The following SH3GL2 variants were observed in gnomAD, a reference collection of about 807,000 sequenced individuals.
SH3GL2 encodes endophilin-A1.
In SH3GL2, 24 loss-of-function variants were observed where a neutral mutation model predicts 46.0. The observed-to-expected ratio is 0.52, with a 90% CI of 0.38 to 0.73. The LOEUF (loss-of-function observed/expected upper bound fraction) is 0.73. SH3GL2 is among the 30% of genes least tolerant of loss of function. The probability of loss-of-function intolerance (pLI) is 0.00; values close to 1 mark genes in which losing one functional copy is unlikely to be tolerated. For missense variants in SH3GL2, 413 were observed against 424.2 expected, an observed-to-expected ratio of 0.97 and a Z score of 0.23; for synonymous variants, 196 against 147.1, an observed-to-expected ratio of 1.33 and a Z score of -2.40.
intron 1 of SH3GL2, among the ~76,000 whole-genome samples, chr9:17,633,103 A>G (rs148385576): frequency 1.3e-3 from 198 of 152,294 alleles, no homozygotes; most frequent in African/African-American, 4.6e-3. Flanking sequence ...TCACTTTGCC[A>G]GCTAAGGCTT....
chr9:17,610,607 CAG>C (rs1456690319), intron 1 of SH3GL2, among the ~76,000 whole-genome samples: 1 of 152,148 alleles, frequency 6.6e-6, no homozygotes, highest in Non-Finnish European at 1.5e-5. Context: ...TTAAAAAAAT[CAG>C]GGTGTAAGGA....
chr9:17,767,209 A>G (rs909474544), intron 3 of SH3GL2, among the ~76,000 whole-genome samples: 13 of 152,138 alleles, frequency 8.5e-5, no homozygotes, highest in African/African-American at 2.9e-4. Context: ...TATGGTCTAG[A>G]TTTTTCCAGC....
At chr9:17,703,167 C>A (rs968000008) in intron 1 of SH3GL2, among the ~76,000 whole-genome samples, 9 of 151,840 alleles carry the variant, frequency 5.9e-5, no homozygotes, top group Non-Finnish European at 5.9e-5. Flanking sequence ...GAATTTCCCA[C>A]CCTTTATCAA....
intron 1 of SH3GL2, among the ~76,000 whole-genome samples, chr9:17,727,809 C>CT (rs1173600297): frequency 2.0e-5 from 3 of 152,146 alleles, no homozygotes; most frequent in Admixed American, 2.0e-4. Flanking sequence ...ATGCCCTTTA[C>CT]TGACCTTCCC....
chr9:17,789,595 A>G, intron 6 of SH3GL2, 45 bp downstream of exon 6: 1 of 1,608,606 alleles, frequency 6.2e-7, no homozygotes, highest in Non-Finnish European at 8.5e-7. Context: ...TCATCGAGGC[A>G]CAACATTAAT....
At chr9:17,764,494 T>C (rs1214150926) in intron 3 of SH3GL2, among the ~76,000 whole-genome samples, 1 of 152,158 alleles carries the variant, frequency 6.6e-6, no homozygotes, top group African/African-American at 2.4e-5. Flanking sequence ...CAGTGAACCC[T>C]AGAGCTGGGC....
At chr9:17,648,694 T>A (rs1819885479) in intron 1 of SH3GL2, among the ~76,000 whole-genome samples, 1 of 152,242 alleles carries the variant, frequency 6.6e-6, no homozygotes, top group Admixed American at 6.5e-5. Context: ...TTCTTTCTAA[T>A]AGCTGCTTAG....
At chr9:17,774,136 G>T (rs1264265519) in intron 3 of SH3GL2, among the ~76,000 whole-genome samples, 1 of 152,032 alleles carries the variant, frequency 6.6e-6, no homozygotes, top group African/African-American at 2.4e-5. Context: ...TGATTTTTGT[G>T]TGTTGACTTT....
At chr9:17,767,918 A>G (rs1411999137) in intron 3 of SH3GL2, among the ~76,000 whole-genome samples, 1 of 152,228 alleles carries the variant, frequency 6.6e-6, no homozygotes, top group Non-Finnish European at 1.5e-5. Context: ...GAGGGTTTCT[A>G]CTTCTACATC....
intron 1 of SH3GL2, among the ~76,000 whole-genome samples, chr9:17,637,074 G>A (rs1819559561): frequency 6.6e-6 from 1 of 152,168 alleles, no homozygotes; most frequent in East Asian, 1.9e-4. Flanking sequence ...TGACTCAGAT[G>A]GTCTCTTCTG....
At chr9:17,686,863 G>T (rs1487906170) in intron 1 of SH3GL2, among the ~76,000 whole-genome samples, 1 of 149,896 alleles carries the variant, frequency 6.7e-6, no homozygotes, top group African/African-American at 2.5e-5. Flanking sequence ...TGGGTGCAGC[G>T]CACCAGCATG....
At chr9:17,756,406 A>G (rs1015442046) in intron 2 of SH3GL2, among the ~76,000 whole-genome samples, 4 of 151,546 alleles carry the variant, frequency 2.6e-5, no homozygotes, top group Non-Finnish European at 4.4e-5. Context: ...TACATGTGCC[A>G]TGTTGGTGTG....
At chr9:17,770,210 A>G (rs2131163690) in intron 3 of SH3GL2, among the ~76,000 whole-genome samples, 1 of 152,328 alleles carries the variant, frequency 6.6e-6, no homozygotes, top group South Asian at 2.1e-4. Flanking sequence ...GTATAAAATC[A>G]CTGGGCTGAA....
chr9:17,666,385 T>C (rs964984872), intron 1 of SH3GL2, among the ~76,000 whole-genome samples: 6 of 152,248 alleles, frequency 3.9e-5, no homozygotes, highest in African/African-American at 1.4e-4. Context: ...ACTCTAATTC[T>C]TTCAGTTTCT....
chr9:17,716,494 T>C (rs1416557299), intron 1 of SH3GL2, among the ~76,000 whole-genome samples: 1 of 152,144 alleles, frequency 6.6e-6, no homozygotes, highest in African/African-American at 2.4e-5. Context: ...CCAGGTCAAT[T>C]ATAAGGTTTT....
chr9:17,672,698 A>C (rs201901053), intron 1 of SH3GL2, among the ~76,000 whole-genome samples: 1 of 152,252 alleles, frequency 6.6e-6, no homozygotes, highest in East Asian at 1.9e-4. Flanking sequence ...ATACAGAGTA[A>C]CACACTCTGT....
intron 3 of SH3GL2, among the ~76,000 whole-genome samples, chr9:17,784,150 A>G (rs1473349437): frequency 6.6e-6 from 1 of 152,142 alleles, no homozygotes; most frequent in Non-Finnish European, 1.5e-5. Context: ...TGAAGTAGAT[A>G]AGCTAGTAGA....
At chr9:17,700,415 GACTC>G (rs1324158471) in intron 1 of SH3GL2, among the ~76,000 whole-genome samples, 4 of 152,182 alleles carry the variant, frequency 2.6e-5, no homozygotes, top group African/African-American at 7.2e-5. Flanking sequence ...AATACCCTAA[GACTC>G]AGTTGTGAAC....
At chr9:17,659,198 A>G (rs536110685) in intron 1 of SH3GL2, among the ~76,000 whole-genome samples, 1 of 152,288 alleles carries the variant, frequency 6.6e-6, no homozygotes, top group African/African-American at 2.4e-5. Context: ...TCCTGTATTT[A>G]CACTGGGATC....
Sources: allele counts gnomAD v4.1 joint callset (sites outside exome capture counted in the v4.1 genomes callset), GRCh38; gene constraint gnomAD v4.1.1; transcripts MANE v1.5; gene names NCBI Gene and HGNC (gene_info 2026-07-23, HGNC 2026-07-21).